KCNH7: variants seen among roughly 807,000 people sequenced by gnomAD.
KCNH7 encodes the protein voltage-gated inwardly rectifying potassium channel KCNH7.
KCNH7 carries 49 observed loss-of-function variants against 120.8 expected under a neutral mutation model. The observed-to-expected ratio is 0.41, with a 90% CI of 0.32 to 0.51. KCNH7 has a LOEUF of 0.51. Among genes scored for constraint, KCNH7 ranks in the 20% least tolerant of loss-of-function variants. The pLI is 0.38. For synonymous variants in KCNH7, 547 were observed against 516.1 expected, an observed-to-expected ratio of 1.06 and a Z score of -0.81; for missense variants, 1,097 against 1,446.6, an observed-to-expected ratio of 0.76 and a Z score of 3.92.
chr2:162,647,273 T>C (rs1000985956), intron 2 of KCNH7, among the ~76,000 whole-genome samples: 1 of 152,156 alleles, frequency 6.6e-6, no homozygotes, highest in Non-Finnish European at 1.5e-5. Context: ...ACGTGTTTTT[T>C]TGTGTGTTGG....
chr2:162,529,538 T>C (rs968477620), intron 3 of KCNH7, among the ~76,000 whole-genome samples: 2 of 151,978 alleles, frequency 1.3e-5, no homozygotes, highest in African/African-American at 2.4e-5. Context: ...AATTCAAATA[T>C]AGTTTTCAAT....
chr2:162,461,137 A>C (rs1689133071), intron 6 of KCNH7, among the ~76,000 whole-genome samples: 1 of 152,230 alleles, frequency 6.6e-6, no homozygotes, highest in Non-Finnish European at 1.5e-5. Flanking sequence ...AGGACAAAAC[A>C]GGAATGCTAG....
chr2:162,666,486 C>T (rs1386662106), intron 2 of KCNH7, among the ~76,000 whole-genome samples: 1 of 151,978 alleles, frequency 6.6e-6, no homozygotes, highest in Non-Finnish European at 1.5e-5. Context: ...CTTCCATACT[C>T]TTAGTGAAAA....
chr2:162,831,732 G>A (rs1685487437), intron 2 of KCNH7, among the ~76,000 whole-genome samples: 1 of 152,168 alleles, frequency 6.6e-6, no homozygotes, highest in Admixed American at 6.5e-5. Context: ...AGTTTCTCCT[G>A]TTAAACTTAT....
At chr2:162,432,023 A>C (rs1185267764) in intron 8 of KCNH7, among the ~76,000 whole-genome samples, 1 of 151,992 alleles carries the variant, frequency 6.6e-6, no homozygotes, top group East Asian at 1.9e-4. Context: ...GCTAAACTTA[A>C]GTGCATTTTT....
intron 2 of KCNH7, among the ~76,000 whole-genome samples, chr2:162,723,274 G>A (rs1273628663): frequency 6.6e-6 from 1 of 151,896 alleles, no homozygotes; most frequent in Non-Finnish European, 1.5e-5. Flanking sequence ...TCTTTTACAG[G>A]AGAAAACCCC....
chr2:162,539,407 TA>T (rs1374055298), intron 2 of KCNH7, among the ~76,000 whole-genome samples: 1 of 151,964 alleles, frequency 6.6e-6, no homozygotes, highest in African/African-American at 2.4e-5. Context: ...CTGTTGACTA[TA>T]AAAAAACATA....
intron 3 of KCNH7, among the ~76,000 whole-genome samples, chr2:162,521,204 T>A (rs901503685): frequency 1.3e-5 from 2 of 151,906 alleles, no homozygotes; most frequent in Non-Finnish European, 2.9e-5. Context: ...GCTATTTTGC[T>A]TACTTAGCAT....
intron 2 of KCNH7, among the ~76,000 whole-genome samples, chr2:162,638,352 G>A (rs1485635627): frequency 1.3e-5 from 2 of 151,944 alleles, no homozygotes; most frequent in Non-Finnish European, 2.9e-5. Flanking sequence ...ATGTTGATTT[G>A]AATATCAATA....
chr2:162,457,371 C>A (rs924584781), intron 6 of KCNH7, among the ~76,000 whole-genome samples: 8 of 152,044 alleles, frequency 5.3e-5, no homozygotes, highest in African/African-American at 1.9e-4. Flanking sequence ...ACTCCATGGC[C>A]TCCAGAAAGA....
intron 6 of KCNH7, among the ~76,000 whole-genome samples, chr2:162,453,049 A>G (rs1334482725): frequency 1.3e-5 from 2 of 151,928 alleles, no homozygotes; most frequent in Non-Finnish European, 1.5e-5. Context: ...CTATCAACCC[A>G]TCATCTAGCT....
intron 2 of KCNH7, among the ~76,000 whole-genome samples, chr2:162,629,219 C>T (rs902494862): frequency 1.3e-5 from 2 of 152,066 alleles, no homozygotes; most frequent in Non-Finnish European, 2.9e-5. Context: ...GTTATGCTTC[C>T]ATTGGATCAC....
intron 2 of KCNH7, among the ~76,000 whole-genome samples, chr2:162,654,530 C>T (rs1043859075): frequency 1.3e-5 from 2 of 151,660 alleles, no homozygotes; most frequent in Non-Finnish European, 2.9e-5. Flanking sequence ...AAAAGGAAAA[C>T]CTTGCACACT....
chr2:162,597,992 A>G (rs1694433963), intron 2 of KCNH7, among the ~76,000 whole-genome samples: 1 of 151,986 alleles, frequency 6.6e-6, no homozygotes, highest in African/African-American at 2.4e-5. Context: ...GAATCTTTCT[A>G]CCCCTAAATC....
intron 2 of KCNH7, among the ~76,000 whole-genome samples, chr2:162,830,928 C>T (rs1685456904): frequency 6.6e-6 from 1 of 152,134 alleles, no homozygotes; most frequent in African/African-American, 2.4e-5. Flanking sequence ...GTTACCCGCT[C>T]TAAGGTATTT....
At chr2:162,648,432 C>A (rs779404565) in intron 2 of KCNH7, among the ~76,000 whole-genome samples, 3 of 152,154 alleles carry the variant, frequency 2.0e-5, no homozygotes, top group Non-Finnish European at 2.9e-5. Flanking sequence ...ATGGATATTA[C>A]AATTTCACCT....
intron 2 of KCNH7, among the ~76,000 whole-genome samples, chr2:162,717,916 T>C (rs1164880542): frequency 6.6e-6 from 1 of 152,118 alleles, no homozygotes; most frequent in Non-Finnish European, 1.5e-5. Context: ...TGGACACCTA[T>C]ATTTTATTTT....
chr2:162,430,115 A>C (rs1189152234), intron 8 of KCNH7, among the ~76,000 whole-genome samples: 3 of 151,852 alleles, frequency 2.0e-5, no homozygotes, highest in Non-Finnish European at 4.4e-5. Context: ...TTCCTTTTGA[A>C]GCTTGCTGTT....
At chr2:162,544,986 G>A (rs1692429643) in intron 2 of KCNH7, among the ~76,000 whole-genome samples, 1 of 152,078 alleles carries the variant, frequency 6.6e-6, no homozygotes, top group Non-Finnish European at 1.5e-5. Context: ...ATTAAATCAT[G>A]GCTACTGTTT....
Sources: allele counts gnomAD v4.1 joint callset (sites outside exome capture counted in the v4.1 genomes callset), GRCh38; gene constraint gnomAD v4.1.1; transcripts MANE v1.5; gene names NCBI Gene and HGNC (gene_info 2026-07-23, HGNC 2026-07-21).